The following GPR107 variants were observed in gnomAD, a reference collection of about 807,000 sequenced individuals.
GPR107 encodes G protein-coupled receptor 107, also known as protein GPR107.
In GPR107, 31 loss-of-function variants were observed where a neutral mutation model predicts 75.5. That is an observed-to-expected ratio of 0.41 (90% CI 0.31 to 0.55). GPR107 has a LOEUF of 0.55. Among genes scored for constraint, GPR107 ranks in the 20% least tolerant of loss-of-function variants. GPR107 has a pLI of 0.26. For missense variants in GPR107, 572 were observed against 665.7 expected (o/e 0.86, Z 1.55); for synonymous variants, 267 against 251.3 (o/e 1.06, Z -0.59).
At chr9:130,057,111 G>A (rs1829812391) in intron 1 of GPR107, among the ~76,000 whole-genome samples, 1 of 151,862 alleles carries the variant, frequency 6.6e-6, no homozygotes, top group Non-Finnish European at 1.5e-5. Flanking sequence ...TTGAGACTGA[G>A]TGAAATAGGG....
chr9:130,073,886 G>A (rs555749137), intron 1 of GPR107, among the ~76,000 whole-genome samples: 3 of 152,216 alleles, frequency 2.0e-5, no homozygotes, highest in Non-Finnish European at 4.4e-5. Flanking sequence ...CTCCCAAGTA[G>A]CTGGGATTAC....
chr9:130,080,106 C>G (rs1830455849), intron 5 of GPR107, among the ~76,000 whole-genome samples: 1 of 152,142 alleles, frequency 6.6e-6, no homozygotes, highest in Non-Finnish European at 1.5e-5. Context: ...CATTTCATAC[C>G]TATCATATAT....
intron 14 of GPR107, among the ~76,000 whole-genome samples, chr9:130,119,994 A>T (rs1287125237): frequency 6.6e-6 from 1 of 151,852 alleles, no homozygotes; most frequent in Admixed American, 6.6e-5. Flanking sequence ...CAGCTGGTTT[A>T]TGTTTATTTT....
intron 1 of GPR107, among the ~76,000 whole-genome samples, chr9:130,056,450 A>AAAAT (rs143876476): frequency 4.0e-5 from 6 of 150,776 alleles, no homozygotes; most frequent in South Asian, 2.1e-4. Context: ...ACTCCGTCTC[A>AAAAT]AAATAAATAA....
At chr9:130,055,262 T>C (rs1829734536) in intron 1 of GPR107, among the ~76,000 whole-genome samples, 1 of 150,052 alleles carries the variant, frequency 6.7e-6, no homozygotes, top group African/African-American at 2.5e-5. Flanking sequence ...GGTGAGGAGA[T>C]CGAGACCATC....
chr9:130,112,153 G>C lies in GPR107; in HGVS notation c.1306+4614G>C, dbSNP rs1229131843. On this transcript the variant is annotated intron_variant, in intron 14 of 17. Transcript: ENST00000347136. The surrounding 1 kb of genome is among the most constrained non-coding windows in gnomAD (Gnocchi z 4.0). ...TCCTTTTTTTGGGCCTTGTGTTTCT[G>C]AGGAAAAGTCAGAAGATGTATTCTG... is the stretch of plus-strand genomic sequence containing the variant. Among the ~76,000 whole-genome samples, 4 of 152,194 alleles carry C rather than the reference G, an allele frequency of 2.6e-5. No individual in the cohort carries two copies. The highest frequency in any genetic ancestry group is 5.9e-5 in the Non-Finnish European group (4 of 68,042).
chr9:130,102,825 G>A (rs1173942617), intron 12 of GPR107, among the ~76,000 whole-genome samples: 1 of 152,062 alleles, frequency 6.6e-6, no homozygotes, highest in Admixed American at 6.5e-5. Context: ...TCACTCTGTC[G>A]CCCGGGCTGG....
chr9:130,093,949 G>T (rs1203065781), intron 9 of GPR107, among the ~76,000 whole-genome samples: 2 of 152,140 alleles, frequency 1.3e-5, no homozygotes, highest in African/African-American at 4.8e-5. Flanking sequence ...GAAGTAGGTG[G>T]GATTACAGGC....
chr9:130,073,608 T>C (rs534978466), intron 1 of GPR107, among the ~76,000 whole-genome samples: 57 of 152,266 alleles, frequency 3.7e-4, no homozygotes, highest in African/African-American at 1.4e-3. Flanking sequence ...GCCAAGCTCC[T>C]AAGAAAATAA....
At chr9:130,094,687 T>G (rs1003988363) in intron 9 of GPR107, among the ~76,000 whole-genome samples, 2 of 151,990 alleles carry the variant, frequency 1.3e-5, no homozygotes, top group South Asian at 2.1e-4. Flanking sequence ...TTTTGTTTTT[T>G]TTTGTTTTTT....
Position 130,079,613 on chromosome 9 carries a change from G to T in GPR107, c.387-17G>T, listed in dbSNP as rs1265141386. The T allele has an allele frequency of 6.2e-7, 1 of 1,610,210 alleles. No homozygotes were observed. On this transcript the variant is annotated splice_polypyrimidine_tract_variant and intron_variant, in intron 4 of 17. Transcript: ENST00000347136. ...CACTGCTTTGACCTTTTTTCCTTCT[G>T]TCTTATTTGAATGTAGGGTAAGAGT... is the stretch of plus-strand genomic sequence containing the variant.
chr9:130,068,718 G>A (rs1830128411), intron 1 of GPR107, among the ~76,000 whole-genome samples: 1 of 151,398 alleles, frequency 6.6e-6, no homozygotes. Context: ...GAAGAAAAGA[G>A]CAAATACATC....
At chr9:130,085,467 C>T (rs905047637) in intron 6 of GPR107, among the ~76,000 whole-genome samples, 2 of 152,096 alleles carry the variant, frequency 1.3e-5, no homozygotes, top group African/African-American at 4.8e-5. Flanking sequence ...CTAAAATAAA[C>T]TGTAGATATG....
rs1477031951 is a variant in GPR107, at chr9:130,103,453, G to A, written c.1132-967G>A. Among the ~76,000 whole-genome samples, 1 of 152,172 alleles carries A rather than the reference G, an allele frequency of 6.6e-6. No individual in the cohort carries two copies. Among genetic ancestry groups the A allele is most frequent in the African/African-American group, 2.4e-5 (1 of 41,438 alleles). Reference sequence around the variant, plus strand: ...TCCCAGTGGTAATCTTCAAAAGGATGTATTATAAGTGGTAAATTTCCCTTA... The same window carrying A: ...TCCCAGTGGTAATCTTCAAAAGGATATATTATAAGTGGTAAATTTCCCTTA... On this transcript the variant is annotated intron_variant, in intron 12 of 17. Coordinates refer to ENST00000347136, the MANE Select transcript of GPR107 (RefSeq NM_020960.5). The surrounding 1 kb of genome is among the most constrained non-coding windows in gnomAD (Gnocchi z 4.3).
At chr9:130,063,115 C>G (rs1215277582) in intron 1 of GPR107, among the ~76,000 whole-genome samples, 1 of 152,160 alleles carries the variant, frequency 6.6e-6, no homozygotes, top group African/African-American at 2.4e-5. Flanking sequence ...ACAGACATTT[C>G]AGGGTTTCAT....
rs1366376206 is a variant in GPR107, at chr9:130,099,814, G to T, written c.939+282G>T. Among the ~76,000 whole-genome samples the T allele has an allele frequency of 5.8e-5, 7 of 120,970 alleles. No individual in the cohort carries two copies. In the East Asian group the frequency reaches 7.8e-4, roughly 13 times the overall value. The allele number at this position is 120,970 out of a possible 152,430, so 79.4% of individuals were successfully genotyped here. On this transcript the variant is annotated intron_variant, in intron 10 of 17. Transcript: ENST00000347136. ...TATTTCTTTGTTTTTGGTTTGTTTT[G>T]TTTTTTTACCATTTCTAGAGATGAG...
Position 130,135,257 on chromosome 9 carries a change from A to T in GPR107, c.*136A>T. The T allele has an allele frequency of 3.7e-6, 2 of 546,366 alleles. No individual in the cohort carries two copies. The highest frequency in any genetic ancestry group is 6.9e-5 in the Admixed American group (2 of 29,034). 33.8% of individuals were successfully genotyped at this position (546,366 alleles called of 1,614,324 possible). A position where few individuals can be genotyped will look rare whatever the true frequency, so the allele number is the denominator to read the frequency against. On this transcript the variant is annotated 3_prime_UTR_variant, in exon 18 of 18. Coordinates refer to ENST00000347136, the MANE Select transcript of GPR107 (RefSeq NM_020960.5). ...ACACCAGGGCACATGGCTGGAGCAC[A>T]GTGCCGCGGAAACCTGATTTTGTAC... is the stretch of plus-strand genomic sequence containing the variant.
At chr9:130,055,355 G>C (rs1035477271) in intron 1 of GPR107, among the ~76,000 whole-genome samples, 1 of 151,916 alleles carries the variant, frequency 6.6e-6, no homozygotes, top group Non-Finnish European at 1.5e-5. Flanking sequence ...TGCAGTCCCA[G>C]CTACTCGGGA....
rs774679821 is a variant in GPR107 at position 130,077,401 on chromosome 9, C to T, written c.386+23C>T. The T allele has an allele frequency of 3.5e-6, 4 of 1,132,244 alleles. No homozygotes were observed. In the South Asian group the frequency reaches 3.7e-5, roughly 10 times the overall value. 70.1% of individuals were successfully genotyped at this position (1,132,244 alleles called of 1,614,324 possible). On this transcript the variant is annotated intron_variant, in intron 4 of 17. Coordinates refer to ENST00000347136, the MANE Select transcript of GPR107 (RefSeq NM_020960.5). ...TGAGTAAGTAATTCTAAAGTTCCTT[C>T]AGTTCAGTCCTAGAGTAGAGTCGGG... is the stretch of plus-strand genomic sequence containing the variant.
Sources: gnomAD v4.1 joint callset for allele counts (sites outside exome capture counted in the v4.1 genomes callset) on GRCh38, gnomAD v4.1.1 for gene constraint, Gnocchi (gnomAD v3.1) non-coding constraint, MANE v1.5 for transcripts, NCBI Gene and HGNC (gene_info 2026-07-23, HGNC 2026-07-21) for gene names.